IFNL2: variants seen among roughly 807,000 people sequenced by gnomAD.
The protein encoded by IFNL2 is interferon lambda 2.
Under a neutral mutation model 18.7 loss-of-function variants are expected in IFNL2, and 17 were observed. That is an observed-to-expected ratio of 0.91 (90% CI 0.62 to 1.36). IFNL2 has a LOEUF of 1.36. Ranked by LOEUF, IFNL2 falls within the 40% of genes most tolerant of loss-of-function variation. The probability of loss-of-function intolerance (pLI) is 0.00; values close to 1 mark genes in which losing one functional copy is unlikely to be tolerated. For missense variants in IFNL2, 225 were observed against 257.3 expected, an observed-to-expected ratio of 0.87 and a Z score of 0.86; for synonymous variants, 96 against 113.4, an observed-to-expected ratio of 0.85 and a Z score of 0.98.
rs566577929 is a variant in IFNL2, at chr19:39,269,096, G to A, written c.193-56G>A. ...TGTCAGCCATCCTCCAATCCCACCA[G>A]GATGGTCTAACCTCCACCCCTCCTG... On this transcript the variant is annotated intron_variant, in intron 2 of 5. Transcript: ENST00000331982. The A allele has an allele frequency of 2.3e-4, 361 of 1,574,248 alleles. 5 individuals carry two copies. The highest frequency in any genetic ancestry group is 2.1e-3 in the African/African-American group (155 of 73,952).
chr19:39,268,995 G>GT, intron 2 of IFNL2, 137 bp downstream of exon 2: 1 of 1,375,134 alleles, frequency 7.3e-7, no homozygotes, highest in East Asian at 2.5e-5. Context: ...TGCTCCTACT[G>GT]TAGGGACTGA....
chr19:39,269,312 C>T, intron 3 of IFNL2, 83 bp downstream of exon 3: 1 of 1,508,960 alleles, frequency 6.6e-7, no homozygotes, highest in Admixed American at 2.0e-5. Flanking sequence ...GTCTCTTTCT[C>T]CCTTGTCTCT....
intron 2 of IFNL2, 38 bp downstream of exon 2, chr19:39,268,896 C>G (rs1167745608): frequency 6.3e-7 from 1 of 1,592,878 alleles, no homozygotes; most frequent in Non-Finnish European, 8.6e-7. Flanking sequence ...GGACTAGCCT[C>G]CACCCCCACT....
Position 39,269,576 on chromosome 19 carries a change from T to G in IFNL2, c.359T>G (p.Val120Gly), listed in dbSNP as rs577580465. 1.2e-4 allele frequency: 195 copies of G among 1,613,998 alleles called. No homozygotes were observed. The highest frequency in any genetic ancestry group is 1.1e-3 in the African/African-American group (80 of 74,884). The change falls in exon 4 of 6, where the codon GTG becomes GGG. Residue 120 changes from valine (V) to glycine (G), a missense_variant. Val to Gly is a moderately radical substitution (Grantham distance 109). Transcript: ENST00000331982. ...EATADTDPALVDVLDQPLHTL... is the reference protein window; with the variant it reads ...EATADTDPALGDVLDQPLHTL... The stretch of plus-strand genomic sequence containing the variant: ...ACCGCTGACACTGACCCAGCCCTGG[T>G]GGACGTCTTGGACCAGCCCCTTCAC...
At position 39,268,617 on chromosome 19, in the gene IFNL2, C is replaced by T. The variant is rs1480296108; in HGVS notation, c.10+39C>T. ...CTCTGTCCGTGCTCAGCTCCTGCAG[C>T]CCCTGCCCTCAGTGGGCAGCCTCTC... On this transcript the variant is annotated intron_variant, in intron 1 of 5. Coordinates refer to ENST00000331982, the MANE Select transcript of IFNL2 (RefSeq NM_172138.2). The T allele has an allele frequency of 1.9e-6, 3 of 1,613,676 alleles. No individual in the cohort carries two copies. The African/African-American group carries it at 4.0e-5, about 22-fold the overall frequency.
chr19:39,269,419 T>C, intron 3 of IFNL2, 69 bp from the exon 4 acceptor site: 1 of 1,579,546 alleles, frequency 6.3e-7, no homozygotes, highest in South Asian at 1.2e-5. Context: ...CACTTGTTCC[T>C]CTCTATCCTG....
chr19:39,269,900 C>G lies in IFNL2; in HGVS notation c.505-15C>G. 6.2e-7 allele frequency: 1 copy of G among 1,608,004 alleles called. No individual in the cohort carries two copies. The highest frequency in any genetic ancestry group is 1.1e-5 in the South Asian group (1 of 89,958). ...GAACCCAGACAGCCCCTGACCCATC[C>G]CCTCCTCCCTACAGGAGTCCCCTGG... On this transcript the variant is annotated splice_polypyrimidine_tract_variant and intron_variant, in intron 5 of 5. Transcript: ENST00000331982.
In IFNL2 at chr19:39,270,130, G is replaced by A. The variant is rs1330235834; in HGVS notation, c.*117G>A. The A allele has an allele frequency of 5.2e-6, 6 of 1,157,874 alleles. No homozygotes were observed. In the Admixed American group the frequency reaches 7.6e-5, roughly 15 times the overall value. 71.7% of individuals were successfully genotyped at this position (1,157,874 alleles called of 1,614,324 possible). ...GTGTGTAAATCCAACTCACCTCCAG[G>A]AAAATGTTTATTTTTCTACTTTTTA... On this transcript the variant is annotated 3_prime_UTR_variant, in exon 6 of 6. Coordinates refer to ENST00000331982, the MANE Select transcript of IFNL2 (RefSeq NM_172138.2).
rs753841381 is a variant in IFNL2 at position 39,269,809 on chromosome 19, G to T, written c.492G>T (p.Glu164Asp). 1.2e-6 allele frequency: 2 copies of T among 1,608,514 alleles called. No homozygotes were observed. The highest frequency in any genetic ancestry group is 4.5e-5 in the East Asian group (2 of 44,872). ...RLHHWLYRLQ[E>D]APKKESPGCL... ...ACCATTGGCTGTACCGGCTCCAGGA[G>T]GCCCCAAAAAAGGTGAGTGACCCGG... Residue 164 changes from glutamate (E) to aspartate (D), a missense_variant, in exon 5 of 6, where the codon GAG becomes GAT. Physicochemically the swap from Glu to Asp is conservative, Grantham distance 45. Transcript: ENST00000331982.
chr19:39,268,435 G>C lies in IFNL2; in HGVS notation c.-134G>C. ...AGACAGAGCTCAAAACTGACAGAAAGAGTCAAAGCCAGGACACAGTCTGAG... is the reference window on the plus strand; with the variant it reads ...AGACAGAGCTCAAAACTGACAGAAACAGTCAAAGCCAGGACACAGTCTGAG... On this transcript the variant is annotated 5_prime_UTR_variant, in exon 1 of 6. Transcript: ENST00000331982. The C allele has an allele frequency of 3.8e-6, 3 of 785,890 alleles. No homozygotes were observed. The South Asian group carries it at 5.2e-5, about 14-fold the overall frequency. 48.7% of individuals were successfully genotyped at this position (785,890 alleles called of 1,614,324 possible).
Position 39,269,483 on chromosome 19 carries a change from C to T in IFNL2, c.271-5C>T, listed in dbSNP as rs749474158. On this transcript the variant is annotated splice_region_variant and splice_polypyrimidine_tract_variant and intron_variant, in intron 3 of 5. Coordinates refer to ENST00000331982, the MANE Select transcript of IFNL2 (RefSeq NM_172138.2). ...CCTCACCTGCTCTTTCTCACCTCTC[C>T]TCAGGTGAGGGAGCGCCCCATGGCT... The T allele has an allele frequency of 2.5e-6, 4 of 1,614,180 alleles. No individual in the cohort carries two copies. The South Asian group carries it at 4.4e-5, about 18-fold the overall frequency.
At position 39,268,762 on chromosome 19, in the gene IFNL2, C is replaced by T. The variant is rs769396116; in HGVS notation, c.96C>T (p.His32=). 1.1e-5 allele frequency: 18 copies of T among 1,613,426 alleles called. No individual in the cohort carries two copies. Among genetic ancestry groups the T allele is most frequent in the Admixed American group, 1.7e-5 (1 of 59,992 alleles). ...VTGAVPVARL[H]GALPDARGCH... The stretch of plus-strand genomic sequence containing the variant: ...GAGCAGTTCCTGTCGCCAGGCTCCA[C>T]GGGGCTCTCCCGGATGCAAGGGGCT... Residue 32 remains histidine, a synonymous_variant, in exon 2 of 6, where the codon CAC becomes CAT. Coordinates refer to ENST00000331982, the MANE Select transcript of IFNL2 (RefSeq NM_172138.2).
chr19:39,268,750 C>A lies in IFNL2; in HGVS notation c.84C>A (p.Val28=). ...TGACCGTGACTGGAGCAGTTCCTGT[C>A]GCCAGGCTCCACGGGGCTCTCCCGG... The part of the protein sequence containing the change: ...AVLTVTGAVP[V]ARLHGALPDA... The change falls in exon 2 of 6, where the codon GTC becomes GTA. Residue 28 remains valine (V), a synonymous_variant. Transcript: ENST00000331982. 6.2e-7 allele frequency: 1 copy of A among 1,613,348 alleles called. No individual in the cohort carries two copies.
Position 39,270,136 on chromosome 19 carries a change from G to A in IFNL2, c.*123G>A. 8.8e-7 allele frequency: 1 copy of A among 1,133,036 alleles called. No homozygotes were observed. Among genetic ancestry groups the A allele is most frequent in the South Asian group, 1.6e-5 (1 of 64,482 alleles). The allele number at this position is 1,133,036 out of a possible 1,614,324, so 70.2% of individuals were successfully genotyped here. On this transcript the variant is annotated 3_prime_UTR_variant, in exon 6 of 6. Coordinates refer to ENST00000331982, the MANE Select transcript of IFNL2 (RefSeq NM_172138.2). The stretch of plus-strand genomic sequence containing the variant: ...AAATCCAACTCACCTCCAGGAAAAT[G>A]TTTATTTTTCTACTTTTTATAACCC...
In IFNL2 at chr19:39,268,679, A is replaced by T; in HGVS notation, c.13A>T (p.Met5Leu). The T allele has an allele frequency of 6.2e-7, 1 of 1,613,328 alleles. No individual in the cohort carries two copies. The highest frequency in any genetic ancestry group is 8.5e-7 in the Non-Finnish European group (1 of 1,179,850). MKLDMTGDCTPVLVL... is the reference protein window; with the variant it reads MKLDLTGDCTPVLVL... ...CTCCCTTTCTCTCTGTGACACAGAC[A>T]TGACTGGGGACTGCACGCCAGTGCT... The change falls in exon 2 of 6, where the codon ATG becomes TTG. Residue 5 changes from methionine to leucine, a missense_variant and splice_region_variant. Met to Leu is a conservative substitution (Grantham distance 15, BLOSUM62 2). Coordinates refer to ENST00000331982, the MANE Select transcript of IFNL2 (RefSeq NM_172138.2).
At position 39,268,783 on chromosome 19, in the gene IFNL2, G is replaced by A; in HGVS notation, c.117G>A (p.Arg39=). 6.2e-7 allele frequency: 1 copy of A among 1,613,746 alleles called. No individual in the cohort carries two copies. Among genetic ancestry groups the A allele is most frequent in the South Asian group, 1.1e-5 (1 of 91,074 alleles). The stretch of plus-strand genomic sequence containing the variant: ...TCCACGGGGCTCTCCCGGATGCAAG[G>A]GGCTGCCACATAGCCCAGTTCAAGT... The part of the protein sequence containing the change: ...ARLHGALPDA[R]GCHIAQFKSL... Residue 39 remains arginine (R), a synonymous_variant, in exon 2 of 6, where the codon AGG becomes AGA. Transcript: ENST00000331982.
Position 39,268,698 on chromosome 19 carries a change from C to T in IFNL2, c.32C>T (p.Pro11Leu). Reference sequence around the variant, plus strand: ...ACAGACATGACTGGGGACTGCACGCCAGTGCTGGTGCTGATGGCCGCAGTG... The same window carrying T: ...ACAGACATGACTGGGGACTGCACGCTAGTGCTGGTGCTGATGGCCGCAGTG... MKLDMTGDCT[P>L]VLVLMAAVLT... Residue 11 changes from proline to leucine, a missense_variant, in exon 2 of 6, where the codon CCA becomes CTA. Pro to Leu is a moderately conservative substitution (Grantham distance 98, BLOSUM62 -3). Coordinates refer to ENST00000331982, the MANE Select transcript of IFNL2 (RefSeq NM_172138.2). The T allele has an allele frequency of 6.2e-7, 1 of 1,613,088 alleles. No individual in the cohort carries two copies. The highest frequency in any genetic ancestry group is 8.5e-7 in the Non-Finnish European group (1 of 1,179,870).
At position 39,270,155 on chromosome 19, in the gene IFNL2, A is replaced by G; in HGVS notation, c.*142A>G. 3 of 969,638 alleles carry G rather than the reference A, an allele frequency of 3.1e-6. No individual in the cohort carries two copies. The highest frequency in any genetic ancestry group is 1.7e-5 in the South Asian group (1 of 59,244). 60.1% of individuals were successfully genotyped at this position (969,638 alleles called of 1,614,324 possible). A position where few individuals can be genotyped will look rare whatever the true frequency, so the allele number is the denominator to read the frequency against. Reference sequence around the variant, plus strand: ...GAAAATGTTTATTTTTCTACTTTTTATAACCCTTGTTGAAATAAACAAAGG... The same window carrying G: ...GAAAATGTTTATTTTTCTACTTTTTGTAACCCTTGTTGAAATAAACAAAGG... On this transcript the variant is annotated 3_prime_UTR_variant, in exon 6 of 6. Transcript: ENST00000331982.
At chr19:39,269,866 G>A (rs1365299849) in intron 5 of IFNL2, 45 bp downstream of exon 5, 2 of 1,608,376 alleles carry the variant, frequency 1.2e-6, no homozygotes, top group South Asian at 1.1e-5. Context: ...GGGAGCCACT[G>A]GGAGCCCAGA....
Sources: gnomAD v4.1 joint callset for allele counts on GRCh38, gnomAD v4.1.1 for gene constraint, MANE v1.5 for transcripts, NCBI Gene and HGNC (gene_info 2026-07-23, HGNC 2026-07-21) for gene names.